The following FUT8 variants were observed in gnomAD, a reference collection of about 807,000 sequenced individuals.
FUT8 encodes fucosyltransferase 8.
Under a neutral mutation model 71.3 loss-of-function variants are expected in FUT8, and 29 were observed. The observed-to-expected ratio is 0.41, with a 90% confidence interval of 0.30 to 0.55. The LOEUF is 0.55. FUT8 is among the 20% of genes least tolerant of loss of function. FUT8 has a pLI of 0.34. For synonymous variants in FUT8, 254 were observed against 239.3 expected (o/e 1.06, Z -0.57); for missense variants, 544 against 702.1 (o/e 0.77, Z 2.55).
At chr14:65,535,694 G>A (rs12435302) in intron 2 of FUT8, among the ~76,000 whole-genome samples, 5 of 152,112 alleles carry the variant, frequency 3.3e-5, no homozygotes, top group Admixed American at 6.6e-5. Context: ...ATTGTTTTTT[G>A]TCTGACTGTG....
intron 1 of FUT8, among the ~76,000 whole-genome samples, chr14:65,443,727 A>C (rs1427149114): frequency 6.6e-6 from 1 of 151,990 alleles, no homozygotes; most frequent in Non-Finnish European, 1.5e-5. Flanking sequence ...ATAAAAAAAA[A>C]AAAAAAGACA....
chr14:65,482,188 T>TGG, intron 2 of FUT8, among the ~76,000 whole-genome samples: 1 of 152,282 alleles, frequency 6.6e-6, no homozygotes, highest in South Asian at 2.1e-4. Flanking sequence ...AATTCTTTTT[T>TGG]GGGGGGTAGA....
At position 65,616,198 on chromosome 14, in the gene FUT8, T is replaced by C; in HGVS notation, c.320-13T>C. ...TGTTGGAAATGCTACAACTCTCTATTCTTTGACTACAGGTCTGGGGAAGGA... is the reference window on the plus strand; with the variant it reads ...TGTTGGAAATGCTACAACTCTCTATCCTTTGACTACAGGTCTGGGGAAGGA... On this transcript the variant is annotated splice_polypyrimidine_tract_variant and intron_variant, in intron 4 of 10. Coordinates refer to ENST00000673929, the MANE Select transcript of FUT8 (RefSeq NM_001371533.1). 1 of 1,600,606 alleles carries C rather than the reference T, an allele frequency of 6.2e-7. No homozygotes were observed. The highest frequency in any genetic ancestry group is 8.5e-7 in the Non-Finnish European group (1 of 1,174,116).
upstream of FUT8, chr14:65,411,898 T>G: frequency 2.6e-6 from 1 of 377,484 alleles, no homozygotes; most frequent in South Asian, 2.0e-5. Context: ...CGCGCTCCGG[T>G]CCTCCCGCTC....
At chr14:65,709,248 A>G (rs1017779822) in intron 7 of FUT8, among the ~76,000 whole-genome samples, 4 of 152,190 alleles carry the variant, frequency 2.6e-5, no homozygotes, top group African/African-American at 9.6e-5. Flanking sequence ...TTTATTAACA[A>G]TATTACCTTT....
intron 6 of FUT8, among the ~76,000 whole-genome samples, chr14:65,636,025 T>C (rs1204805827): frequency 1.3e-5 from 2 of 152,160 alleles, no homozygotes; most frequent in African/African-American, 4.8e-5. Flanking sequence ...TTGCTTGTTA[T>C]TGTTCTGTTC....
intron 3 of FUT8, among the ~76,000 whole-genome samples, chr14:65,588,716 T>G (rs929974324): frequency 2.4e-4 from 36 of 151,636 alleles, no homozygotes; most frequent in Non-Finnish European, 3.5e-4. Flanking sequence ...TAAGATATTT[T>G]GAGAGAGAGA....
chr14:65,491,734 A>G (rs2066485079), intron 2 of FUT8, among the ~76,000 whole-genome samples: 1 of 152,168 alleles, frequency 6.6e-6, no homozygotes, highest in South Asian at 2.1e-4. Context: ...AGGAAAAAGG[A>G]ATTAACAGAA....
intron 7 of FUT8, among the ~76,000 whole-genome samples, chr14:65,696,927 T>C (rs1894025619): frequency 6.6e-6 from 1 of 152,220 alleles, no homozygotes; most frequent in Non-Finnish European, 1.5e-5. Flanking sequence ...TCCATCTCTC[T>C]GCCTGCATTA....
chr14:65,486,181 A>G (rs1025315803), intron 2 of FUT8, among the ~76,000 whole-genome samples: 4 of 152,204 alleles, frequency 2.6e-5, no homozygotes, highest in African/African-American at 9.6e-5. Flanking sequence ...TACAAATTGT[A>G]TTGGCAATTT....
chr14:65,431,095 A>G (rs1046672164), intron 1 of FUT8, among the ~76,000 whole-genome samples: 2 of 150,188 alleles, frequency 1.3e-5, no homozygotes, highest in African/African-American at 4.9e-5. Flanking sequence ...TCCCGGGTTC[A>G]AATGATTCTC....
chr14:65,613,749 G>A (rs1462834325), intron 3 of FUT8, among the ~76,000 whole-genome samples: 1 of 152,064 alleles, frequency 6.6e-6, no homozygotes, highest in Non-Finnish European at 1.5e-5. Context: ...AGTTAATTTG[G>A]CTTTATCAGG....
chr14:65,427,306 C>T (rs937457966), intron 1 of FUT8, among the ~76,000 whole-genome samples: 2 of 152,094 alleles, frequency 1.3e-5, no homozygotes, highest in African/African-American at 4.8e-5. Context: ...TGGATGTATA[C>T]CCATAAGTGG....
intron 6 of FUT8, among the ~76,000 whole-genome samples, chr14:65,667,478 A>T (rs1490591127): frequency 6.6e-6 from 1 of 152,276 alleles, no homozygotes; most frequent in East Asian, 1.9e-4. Flanking sequence ...GAGGTGCAAG[A>T]TCTCTACAAG....
intron 7 of FUT8, among the ~76,000 whole-genome samples, chr14:65,677,145 TGTGTGTGC>T (rs1234574418): frequency 4.8e-4 from 52 of 109,246 alleles, no homozygotes; most frequent in South Asian, 1.1e-3. Flanking sequence ...TGTGTGTGTG[TGTGTGTGC>T]GCGCGCGCAT....
intron 10 of FUT8, among the ~76,000 whole-genome samples, chr14:65,734,982 TTGCCAGA>T (rs941011962): frequency 3.3e-5 from 5 of 152,284 alleles, no homozygotes; most frequent in African/African-American, 1.2e-4. Flanking sequence ...TCTCCAGACA[TTGCCAGA>T]TGCCAGATGC....
chr14:65,684,315 T>C (rs1893173474), intron 7 of FUT8, among the ~76,000 whole-genome samples: 1 of 152,194 alleles, frequency 6.6e-6, no homozygotes, highest in South Asian at 2.1e-4. Flanking sequence ...CCATCTTTTA[T>C]TAAAGACTGC....
intron 1 of FUT8, among the ~76,000 whole-genome samples, chr14:65,450,117 G>T (rs984064399): frequency 1.3e-5 from 2 of 152,110 alleles, no homozygotes; most frequent in African/African-American, 4.8e-5. Context: ...AGAACAAGAT[G>T]TATTTCTTTG....
At chr14:65,397,297 G>T in the FUT8 span, among the ~76,000 whole-genome samples, 1 of 152,184 alleles carries the variant, frequency 6.6e-6, no homozygotes, top group Non-Finnish European at 1.5e-5. The surrounding 1 kb of genome is among the most constrained non-coding windows in gnomAD (Gnocchi z 4.2). Flanking sequence ...ACAGTAACTT[G>T]TAATGTTCTA....
Sources: gnomAD v4.1 joint callset for allele counts (sites outside exome capture counted in the v4.1 genomes callset) on GRCh38, gnomAD v4.1.1 for gene constraint, Gnocchi (gnomAD v3.1) non-coding constraint, MANE v1.5 for transcripts, NCBI Gene and HGNC (gene_info 2026-07-23, HGNC 2026-07-21) for gene names.